Variants in IL7 observed in about 807,000 individuals in gnomAD.
The protein encoded by IL7 is interleukin 7.
IL7 carries 3 observed loss-of-function variants against 21.6 expected under a neutral mutation model. The observed-to-expected ratio is 0.14, with a 90% CI of 0.06 to 0.36. The LOEUF (loss-of-function observed/expected upper bound fraction) is 0.36. Among genes scored for constraint, IL7 ranks in the 10% least tolerant of loss-of-function variants. IL7 has a pLI of 1.00. For synonymous variants in IL7, 62 were observed against 68.1 expected (o/e 0.91, Z 0.44); for missense variants, 175 against 200.2 (o/e 0.87, Z 0.76).
chr8:78,780,247 C>A (rs1236275415), intron 2 of IL7, among the ~76,000 whole-genome samples: 1 of 151,808 alleles, frequency 6.6e-6, no homozygotes, highest in East Asian at 1.9e-4. Context: ...CTTTTCTGAT[C>A]TTGGTTATTT....
chr8:78,706,576 C>T (rs1005507527), intron 3 of IL7, among the ~76,000 whole-genome samples: 11 of 152,154 alleles, frequency 7.2e-5, no homozygotes, highest in Admixed American at 4.6e-4. Context: ...TGCTCTGTGT[C>T]GCTCCAAGGT....
intron 3 of IL7, among the ~76,000 whole-genome samples, chr8:78,710,142 G>A (rs912766727): frequency 7.9e-5 from 12 of 152,078 alleles, no homozygotes; most frequent in Non-Finnish European, 1.5e-4. Flanking sequence ...AGTATTATAT[G>A]TATAAAATCT....
chr8:78,694,524 G>A (rs903374889), intron 3 of IL7, among the ~76,000 whole-genome samples: 2 of 152,130 alleles, frequency 1.3e-5, no homozygotes, highest in Non-Finnish European at 2.9e-5. Context: ...AATTTATACA[G>A]CAAATCCATG....
At position 78,732,996 on chromosome 8, in the gene IL7, T is replaced by C. The variant is rs1375159550; in HGVS notation, c.*717A>G. On this transcript the variant is annotated 3_prime_UTR_variant, in exon 6 of 6. Coordinates refer to ENST00000263851, the MANE Select transcript of IL7 (RefSeq NM_000880.4). ...CTATATAAATGACAATGTAACTCAGTACTAAGGTTTAGCATCCTTAGACTA... is the reference window on the plus strand; with the variant it reads ...CTATATAAATGACAATGTAACTCAGCACTAAGGTTTAGCATCCTTAGACTA... 6.6e-6 allele frequency: 1 copy of C among 152,110 alleles called. No individual in the cohort carries two copies. The highest frequency in any genetic ancestry group is 2.4e-5 in the African/African-American group (1 of 41,446). The allele number at this position is 152,110 out of a possible 1,614,324, so 9.4% of individuals were successfully genotyped here.
chr8:78,803,654 C>T (rs1814172161), intron 1 of IL7, among the ~76,000 whole-genome samples: 1 of 152,184 alleles, frequency 6.6e-6, no homozygotes, highest in Non-Finnish European at 1.5e-5. Context: ...TACCTTTCTA[C>T]TTTAGAGCAG....
At chr8:78,736,666 A>G (rs1421203518) in intron 4 of IL7, 139 bp from the exon 5 acceptor site, 2 of 558,968 alleles carry the variant, frequency 3.6e-6, no homozygotes, top group Non-Finnish European at 6.4e-6. Flanking sequence ...TTGTTAAGAA[A>G]GTAAAATATT....
At chr8:78,701,460 C>T (rs1160557730) in intron 3 of IL7, among the ~76,000 whole-genome samples, 1 of 152,214 alleles carries the variant, frequency 6.6e-6, no homozygotes, top group Non-Finnish European at 1.5e-5. Context: ...TTGACTTCCT[C>T]TCTTCCTATT....
intron 3 of IL7, among the ~76,000 whole-genome samples, chr8:78,709,981 C>T (rs1000095322): frequency 1.3e-5 from 2 of 152,108 alleles, no homozygotes; most frequent in South Asian, 4.1e-4. Context: ...ACCTAGTAAG[C>T]CACACTAAAA....
At position 78,764,274 on chromosome 8, in the gene IL7, T is replaced by C. The variant is rs144444923; in HGVS notation, c.148-24192A>G. On this transcript the variant is annotated intron_variant, in intron 2 of 5. Coordinates refer to ENST00000263851, the MANE Select transcript of IL7 (RefSeq NM_000880.4). The stretch of plus-strand genomic sequence containing the variant: ...AAGAAATTTGTAGGTTTCCTGATAA[T>C]AAAAAAAAAGCTATCTCCCTTCACT... 7.0e-3 allele frequency among the ~76,000 whole-genome samples: 1,061 copies of C among 150,572 alleles called. 7 individuals carry two copies. The highest frequency in any genetic ancestry group is 0.014 in the Middle Eastern group (4 of 294).
intron 2 of IL7, among the ~76,000 whole-genome samples, chr8:78,759,694 A>C (rs1343222245): frequency 2.0e-5 from 3 of 152,224 alleles, no homozygotes; most frequent in Non-Finnish European, 4.4e-5. Context: ...GCAACTGTCC[A>C]GTATAGATTT....
At chr8:78,751,506 T>C (rs1040841179) in intron 2 of IL7, among the ~76,000 whole-genome samples, 6 of 152,172 alleles carry the variant, frequency 3.9e-5, no homozygotes, top group African/African-American at 1.4e-4. Context: ...GCAGAAGCTA[T>C]TCAGGAAGAA....
intron 4 of IL7, among the ~76,000 whole-genome samples, chr8:78,680,038 C>T (rs1055616922): frequency 3.3e-5 from 5 of 151,982 alleles, no homozygotes; most frequent in South Asian, 2.1e-4. Context: ...TGCTACATAC[C>T]GTATTATTCT....
rs755465083 is a variant in IL7 at position 78,733,738 on chromosome 8, A to C, written c.509T>G (p.Ile170Ser). The C allele has an allele frequency of 6.2e-7, 1 of 1,601,060 alleles. No homozygotes were observed. Among genetic ancestry groups the C allele is most frequent in the Non-Finnish European group, 8.5e-7 (1 of 1,175,738 alleles). Residue 170 changes from isoleucine to serine, a missense_variant, in exon 6 of 6, where the codon ATT (isoleucine) becomes AGT (serine). Physicochemically the swap from Ile to Ser is moderately radical, Grantham distance 142 (BLOSUM62 -2). Coordinates refer to ENST00000263851, the MANE Select transcript of IL7 (RefSeq NM_000880.4). Reference protein sequence around the residue: ...LQEIKTCWNKILMGTKEH With the variant: ...LQEIKTCWNKSLMGTKEH ...TCAGTGTTCTTTAGTGCCCATCAAA[A>C]TTTTATTCCAACAAGTTTTTATCTC...
intron 2 of IL7, among the ~76,000 whole-genome samples, chr8:78,767,457 A>G (rs755463018): frequency 6.6e-6 from 1 of 152,060 alleles, no homozygotes; most frequent in Non-Finnish European, 1.5e-5. Flanking sequence ...TTGAAAGACT[A>G]TAATTCTTTT....
intron 2 of IL7, among the ~76,000 whole-genome samples, chr8:78,783,030 T>G (rs1330253450): frequency 6.9e-6 from 1 of 144,596 alleles, no homozygotes; most frequent in Admixed American, 6.8e-5. Flanking sequence ...CCAATATCTC[T>G]GGCACCAGCA....
intron 5 of IL7, among the ~76,000 whole-genome samples, chr8:78,734,622 G>C (rs941748688): frequency 1.3e-5 from 2 of 152,164 alleles, no homozygotes; most frequent in South Asian, 2.1e-4. Flanking sequence ...AGACTTCAGG[G>C]TTAAAATCAA....
chr8:78,775,269 C>T (rs901525479), intron 2 of IL7, among the ~76,000 whole-genome samples: 1 of 152,114 alleles, frequency 6.6e-6, no homozygotes, highest in Non-Finnish European at 1.5e-5. Context: ...GTTAAATACA[C>T]ACACTGCATA....
intron 1 of IL7, among the ~76,000 whole-genome samples, chr8:78,800,751 G>T (rs913822663): frequency 6.6e-6 from 1 of 151,978 alleles, no homozygotes; most frequent in Non-Finnish European, 1.5e-5. Flanking sequence ...GGGTCCAAAA[G>T]GTATACTTCG....
At chr8:78,750,340 T>A (rs1325754211) in intron 2 of IL7, among the ~76,000 whole-genome samples, 2 of 152,114 alleles carry the variant, frequency 1.3e-5, no homozygotes, top group African/African-American at 4.8e-5. Flanking sequence ...CCACACCGTA[T>A]TGTGACATCA....
Sources: gnomAD v4.1 joint callset for allele counts (sites outside exome capture counted in the v4.1 genomes callset) on GRCh38, gnomAD v4.1.1 for gene constraint, MANE v1.5 for transcripts, NCBI Gene and HGNC (gene_info 2026-07-23, HGNC 2026-07-21) for gene names.